Variants in DCAF6 observed in about 807,000 individuals in gnomAD.
DCAF6 encodes DDB1 and CUL4 associated factor 6.
Under a neutral mutation model 125.1 loss-of-function variants are expected in DCAF6, and 54 were observed. The observed-to-expected ratio is 0.43, with a 90% CI of 0.35 to 0.54. DCAF6 has a LOEUF of 0.54. Among genes scored for constraint, DCAF6 ranks in the 20% least tolerant of loss-of-function variants. The pLI, the probability that DCAF6 is intolerant of heterozygous loss-of-function variation, is 0.01. For synonymous variants in DCAF6, 371 were observed against 390.4 expected, an observed-to-expected ratio of 0.95 and a Z score of 0.58; for missense variants, 934 against 1,161.7, an observed-to-expected ratio of 0.80 and a Z score of 2.85.
chr1:167,942,463 T>C (rs1481593576), intron 1 of DCAF6, among the ~76,000 whole-genome samples: 1 of 152,256 alleles, frequency 6.6e-6, no homozygotes, highest in African/African-American at 2.4e-5. Context: ...GGTTTACCTT[T>C]TTAATATTGT....
rs1688575545 is a variant in DCAF6, at chr1:168,041,890, T to TCA, written c.1728-1134_1728-1133insAC. On this transcript the variant is annotated intron_variant, in intron 13 of 21. Transcript: ENST00000367840. ...CTGGTTTAAAAGAAATACATGTTTGTCGCGCACACACACACACACACACAC... is the reference window on the plus strand; with the variant it reads ...CTGGTTTAAAAGAAATACATGTTTGTCACGCGCACACACACACACACACACAC... 1.6e-4 allele frequency among the ~76,000 whole-genome samples: 14 copies of TCA among 89,518 alleles called. No homozygotes were observed. The South Asian group carries it at 3.9e-3, about 25-fold the overall frequency. 58.7% of individuals were successfully genotyped at this position (89,518 alleles called of 152,430 possible). A position where few individuals can be genotyped will look rare whatever the true frequency, so the allele number is the denominator to read the frequency against.
Position 168,066,433 on chromosome 1 carries a change from T to C in DCAF6, c.2653T>C (p.Ser885Pro). The change falls in exon 20 of 22, where the codon TCA becomes CCA. Residue 885 changes from serine (S) to proline (P), a missense_variant. Physicochemically the swap from Ser to Pro is moderately conservative, Grantham distance 74. This residue lies in a region of DCAF6 where 27 missense variants were observed against 85.1 expected (regional missense o/e 0.32). Coordinates refer to ENST00000367840, the MANE Select transcript of DCAF6 (RefSeq NM_001198956.2). Reference sequence around the variant, plus strand: ...AAAGATCTGGTCACCATTAGAAGAGTCAAGGATTTTTAACCGAAAACTTGC... The same window carrying C: ...AAAGATCTGGTCACCATTAGAAGAGCCAAGGATTTTTAACCGAAAACTTGC... ...DIKIWSPLEE[S>P]RIFNRKLADE... The C allele has an allele frequency of 1.9e-6, 3 of 1,610,398 alleles. No homozygotes were observed. Among genetic ancestry groups the C allele is most frequent in the Non-Finnish European group, 1.7e-6 (2 of 1,177,806 alleles).
In DCAF6 at chr1:168,045,003, A is replaced by G. The variant is rs372121154; in HGVS notation, c.2034A>G (p.Ser678=). The change falls in exon 16 of 22, where the codon TCA becomes TCG. Residue 678 remains serine, a synonymous_variant. Transcript: ENST00000367840. ...GTGGGGTTCCAGAAGAATCTGCTTCATCTGAAAAAGCCAAGGAACCAGAAA... is the reference window on the plus strand; with the variant it reads ...GTGGGGTTCCAGAAGAATCTGCTTCGTCTGAAAAAGCCAAGGAACCAGAAA... ...RSCGVPEESA[S]SEKAKEPETS... The G allele has an allele frequency of 1.9e-6, 3 of 1,614,118 alleles. No individual in the cohort carries two copies. Among genetic ancestry groups the G allele is most frequent in the Non-Finnish European group, 2.5e-6 (3 of 1,179,964 alleles).
intron 9 of DCAF6, 53 bp downstream of exon 9, chr1:168,004,042 T>C: frequency 6.3e-7 from 1 of 1,585,172 alleles, no homozygotes; most frequent in Admixed American, 1.8e-5. Context: ...AACTACTTAT[T>C]GAAGCCAGTT....
chr1:168,028,456 A>G (rs1686628727), intron 12 of DCAF6, among the ~76,000 whole-genome samples: 1 of 152,206 alleles, frequency 6.6e-6, no homozygotes, highest in Non-Finnish European at 1.5e-5. Context: ...TGACAGTGCC[A>G]TCGAGTTTGA....
intron 10 of DCAF6, among the ~76,000 whole-genome samples, chr1:168,011,725 C>G (rs140435572): frequency 0.019 from 2,918 of 152,182 alleles, 90 homozygotes; most frequent in African/African-American, 0.064. Context: ...TGCCTGTAAT[C>G]CCAGCACTTT....
At chr1:168,068,263 C>T (rs1692594992) in intron 20 of DCAF6, 95 bp from the exon 21 acceptor site, 2 of 762,080 alleles carry the variant, frequency 2.6e-6, no homozygotes, top group Non-Finnish European at 4.4e-6. Context: ...GTAATTCCTC[C>T]TGGTACTGGC....
intron 5 of DCAF6, 148 bp downstream of exon 5, chr1:167,987,756 G>A (rs1194420160): frequency 3.9e-6 from 2 of 514,812 alleles, no homozygotes; most frequent in Non-Finnish European, 6.9e-6. Flanking sequence ...TTTTTGTTTT[G>A]CTAAAATATT....
chr1:167,866,848 T>C, the DCAF6 span, among the ~76,000 whole-genome samples: 1 of 151,436 alleles, frequency 6.6e-6, no homozygotes, highest in African/African-American at 2.4e-5. Flanking sequence ...CAGTGGCCTA[T>C]CTCTCAAAAC....
At chr1:167,879,631 A>T in the DCAF6 span, among the ~76,000 whole-genome samples, 1 of 152,168 alleles carries the variant, frequency 6.6e-6, no homozygotes, top group Non-Finnish European at 1.5e-5. Flanking sequence ...TTTTACATAT[A>T]TTCAGTATTT....
chr1:167,960,724 T>C (rs765699093), intron 2 of DCAF6, among the ~76,000 whole-genome samples: 3 of 152,226 alleles, frequency 2.0e-5, no homozygotes, highest in Non-Finnish European at 4.4e-5. Context: ...TTTGTTAAAG[T>C]GTATTTTAAG....
the DCAF6 span, among the ~76,000 whole-genome samples, chr1:167,878,794 G>A: frequency 1.3e-5 from 2 of 152,226 alleles, no homozygotes; most frequent in African/African-American, 4.8e-5. Context: ...TTCAGCCAAT[G>A]GCTATTCACA....
At chr1:167,971,897 C>A (rs1677369338) in intron 3 of DCAF6, among the ~76,000 whole-genome samples, 1 of 151,990 alleles carries the variant, frequency 6.6e-6, no homozygotes, top group South Asian at 2.1e-4. Context: ...GCTCTGTCGC[C>A]CAGGCTGCAG....
At chr1:167,960,136 T>C (rs1055826585) in intron 2 of DCAF6, among the ~76,000 whole-genome samples, 1 of 152,092 alleles carries the variant, frequency 6.6e-6, no homozygotes, top group African/African-American at 2.4e-5. Context: ...ACTATCTGCA[T>C]TGTATTGACT....
At chr1:167,992,983 C>T (rs992710864) in intron 6 of DCAF6, among the ~76,000 whole-genome samples, 2 of 152,082 alleles carry the variant, frequency 1.3e-5, no homozygotes, top group Admixed American at 6.5e-5. Flanking sequence ...ACAAAGCATA[C>T]GTAATCTGGA....
the DCAF6 span, among the ~76,000 whole-genome samples, chr1:167,871,070 T>TTTTTTTG: frequency 2.0e-5 from 3 of 152,082 alleles, no homozygotes; most frequent in Non-Finnish European, 4.4e-5. Flanking sequence ...AAAGCTTGTT[T>TTTTTTTG]TTTTTTGTTT....
the DCAF6 span, chr1:167,918,335 T>C: frequency 6.4e-7 from 1 of 1,567,420 alleles, no homozygotes; most frequent in South Asian, 1.1e-5. Context: ...ATTTGTGTGC[T>C]TTAGCTTTTA....
chr1:167,876,214 G>A, the DCAF6 span, among the ~76,000 whole-genome samples: 35 of 146,864 alleles, frequency 2.4e-4, no homozygotes, highest in African/African-American at 3.3e-4. Flanking sequence ...CCAAGATCAC[G>A]CCATTGCATT....
intron 1 of DCAF6, among the ~76,000 whole-genome samples, chr1:167,951,549 T>C (rs1455605887): frequency 6.6e-6 from 1 of 152,156 alleles, no homozygotes; most frequent in African/African-American, 2.4e-5. Context: ...CACTCCAGCC[T>C]GGGCAACAGA....
Sources: gnomAD v4.1 joint callset for allele counts (sites outside exome capture counted in the v4.1 genomes callset) on GRCh38, gnomAD v4.1.1 for gene constraint, gnomAD v4.1.1 regional missense constraint, MANE v1.5 for transcripts, NCBI Gene and HGNC (gene_info 2026-07-23, HGNC 2026-07-21) for gene names.